SLC44A2: variants seen among roughly 807,000 people sequenced by gnomAD.
SLC44A2 encodes choline transporter-like protein 2.
In SLC44A2, 57 loss-of-function variants were observed where a neutral mutation model predicts 90.8. That is an observed-to-expected ratio of 0.63 (90% CI 0.51 to 0.78). SLC44A2 has a LOEUF of 0.78. SLC44A2 is among the 30% of genes least tolerant of loss of function. The pLI is 0.00. For missense variants in SLC44A2, 794 were observed against 919.7 expected (o/e 0.86, Z 1.77); for synonymous variants, 355 against 360.7 (o/e 0.98, Z 0.18).
chr19:10,609,930 C>T (rs1361780549), intron 1 of SLC44A2, among the ~76,000 whole-genome samples: 3 of 151,930 alleles, frequency 2.0e-5, no homozygotes, highest in Non-Finnish European at 4.4e-5. Context: ...CTCAGCCTCC[C>T]GAATAGCTGG....
intron 1 of SLC44A2, among the ~76,000 whole-genome samples, chr19:10,612,950 C>G (rs1918348766): frequency 6.6e-6 from 1 of 152,224 alleles, no homozygotes; most frequent in Non-Finnish European, 1.5e-5. Context: ...GGCTGTGCTC[C>G]TCACCAGCTG....
At chr19:10,627,693 C>A in intron 2 of SLC44A2, 29 bp from the exon 3 acceptor site, 1 of 1,611,450 alleles carries the variant, frequency 6.2e-7, no homozygotes, top group Non-Finnish European at 8.5e-7. Flanking sequence ...CACCAAGCCT[C>A]CTCCAAACAC....
At chr19:10,632,513 G>T (rs1300432538) in intron 10 of SLC44A2, among the ~76,000 whole-genome samples, 1 of 144,042 alleles carries the variant, frequency 6.9e-6, no homozygotes, top group Non-Finnish European at 1.5e-5. Flanking sequence ...TCCAGCCTGG[G>T]CAACAAGAGC....
At chr19:10,618,576 T>C (rs2066874523) in intron 1 of SLC44A2, among the ~76,000 whole-genome samples, 1 of 146,722 alleles carries the variant, frequency 6.8e-6, no homozygotes, top group Admixed American at 7.0e-5. Flanking sequence ...GCCTCCCTGG[T>C]TCACGCCATT....
intron 1 of SLC44A2, among the ~76,000 whole-genome samples, chr19:10,605,147 C>G (rs1918064385): frequency 6.6e-6 from 1 of 152,092 alleles, no homozygotes; most frequent in African/African-American, 2.4e-5. Context: ...CTTTAGGAGG[C>G]CAAGGCTGGG....
upstream of SLC44A2, among the ~76,000 whole-genome samples, chr19:10,622,629 C>T (rs1262811122): frequency 6.6e-6 from 1 of 151,948 alleles, no homozygotes; most frequent in African/African-American, 2.4e-5. Context: ...AGGCCAGGCA[C>T]GGTGGCTCAC....
At chr19:10,624,263 T>G (rs2066912897), upstream of SLC44A2, among the ~76,000 whole-genome samples, 1 of 152,132 alleles carries the variant, frequency 6.6e-6, no homozygotes, top group African/African-American at 2.4e-5. Context: ...CCCAAAGTGC[T>G]GGGATTATAG....
Position 10,631,845 on chromosome 19 carries a change from G to A in SLC44A2, c.627-23G>A, listed in dbSNP as rs751437092. On this transcript the variant is annotated intron_variant, in intron 8 of 21. Transcript: ENST00000335757. ...CTGATCATGGAAGAGGGTCTGACCC[G>A]AGCCTTGTCCTCCTTCCCCCAGGAA... 3.5e-5 allele frequency: 56 copies of A among 1,614,086 alleles called. No individual in the cohort carries two copies. The African/African-American group carries it at 4.4e-4, about 13-fold the overall frequency.
chr19:10,641,466 A>G (rs373982813), intron 20 of SLC44A2: 1 of 431,204 alleles, frequency 2.3e-6, no homozygotes. Context: ...GGACTTGAGG[A>G]CTTGCTCTTT....
In SLC44A2 at chr19:10,637,767, C is replaced by G. The variant is rs1042982565; in HGVS notation, c.1695+20C>G. On this transcript the variant is annotated intron_variant, in intron 17 of 21. Transcript: ENST00000335757. ...ATCATGGTGAGTGGGCCTGGGACCC[C>G]CAACCAACCCGCCAGCTCCTGCTGG... 1 of 1,613,544 alleles carries G rather than the reference C, an allele frequency of 6.2e-7. No individual in the cohort carries two copies. Among genetic ancestry groups the G allele is most frequent in the African/African-American group, 1.3e-5 (1 of 74,892 alleles).
At chr19:10,625,089 G>C (rs1490549690), upstream of SLC44A2, among the ~76,000 whole-genome samples, 1 of 151,824 alleles carries the variant, frequency 6.6e-6, no homozygotes, top group African/African-American at 2.4e-5. Context: ...AGCTGTGATT[G>C]CACCACTGCA....
chr19:10,623,692 ATT>A (rs542331677), upstream of SLC44A2, among the ~76,000 whole-genome samples: 12 of 140,738 alleles, frequency 8.5e-5, no homozygotes, highest in Non-Finnish European at 7.8e-5. Flanking sequence ...ATTGTATTGT[ATT>A]TTTTTTTTTT....
At chr19:10,621,467 G>A (rs541724043), upstream of SLC44A2, among the ~76,000 whole-genome samples, 1 of 109,190 alleles carries the variant, frequency 9.2e-6, no homozygotes, top group African/African-American at 3.6e-5. Flanking sequence ...TCTTTTAGAT[G>A]GAGTCTTGCT....
At chr19:10,642,238 G>A in intron 20 of SLC44A2, 129 bp from the exon 21 acceptor site, 2 of 720,334 alleles carry the variant, frequency 2.8e-6, no homozygotes, top group Admixed American at 4.1e-5. Flanking sequence ...TGAGGGGTTG[G>A]GATGTCACTA....
chr19:10,617,141 T>C (rs1000335395), intron 1 of SLC44A2, among the ~76,000 whole-genome samples: 2 of 129,068 alleles, frequency 1.5e-5, no homozygotes, highest in African/African-American at 3.1e-5. Context: ...AGGATGGTCT[T>C]GATCTCCTGA....
At chr19:10,603,984 A>AC (rs1409864114) in intron 1 of SLC44A2, among the ~76,000 whole-genome samples, 4 of 152,078 alleles carry the variant, frequency 2.6e-5, no homozygotes, top group Non-Finnish European at 5.9e-5. Flanking sequence ...AGCTAGGCAG[A>AC]CCTCCCAGGC....
At chr19:10,633,783 C>A (rs1460895778) in intron 10 of SLC44A2, among the ~76,000 whole-genome samples, 1 of 152,054 alleles carries the variant, frequency 6.6e-6, no homozygotes, top group Non-Finnish European at 1.5e-5. Flanking sequence ...CTTGAACTTT[C>A]CTGGAAGAAA....
At chr19:10,618,711 C>T (rs1568445270) in intron 1 of SLC44A2, among the ~76,000 whole-genome samples, 2 of 152,008 alleles carry the variant, frequency 1.3e-5, no homozygotes, top group South Asian at 4.2e-4. Flanking sequence ...GATCTCCTGA[C>T]CTCGTGTTCC....
At chr19:10,632,971 C>G (rs1453325625) in intron 10 of SLC44A2, among the ~76,000 whole-genome samples, 1 of 152,022 alleles carries the variant, frequency 6.6e-6, no homozygotes, top group Non-Finnish European at 1.5e-5. Flanking sequence ...CGCGCCCGGA[C>G]TGCTTCAATT....
Sources: allele counts gnomAD v4.1 joint callset (sites outside exome capture counted in the v4.1 genomes callset), GRCh38; gene constraint gnomAD v4.1.1; transcripts MANE v1.5; gene names NCBI Gene and HGNC (gene_info 2026-07-23, HGNC 2026-07-21).